The following APPL2 variants were observed in gnomAD, a reference collection of about 807,000 sequenced individuals.
The protein encoded by APPL2 is DCC-interacting protein 13-beta.
In APPL2, 84 loss-of-function variants were observed where a neutral mutation model predicts 92.7. The observed-to-expected ratio is 0.91, with a 90% CI of 0.76 to 1.09. APPL2 has a LOEUF of 1.09. Ranked by LOEUF, APPL2 falls within the 50% of genes least tolerant of loss-of-function variation. The pLI is 0.00. For synonymous variants in APPL2, 291 were observed against 291.0 expected, an observed-to-expected ratio of 1.00 and a Z score of 0.00; for missense variants, 736 against 824.5, an observed-to-expected ratio of 0.89 and a Z score of 1.31.
chr12:105,219,069 G>A (rs1234440641), intron 2 of APPL2, among the ~76,000 whole-genome samples: 2 of 152,228 alleles, frequency 1.3e-5, no homozygotes, highest in African/African-American at 4.8e-5. Flanking sequence ...GAGCCACTGG[G>A]TCTGACATGG....
intron 17 of APPL2, among the ~76,000 whole-genome samples, chr12:105,178,364 T>C (rs1405899644): frequency 1.3e-5 from 2 of 152,192 alleles, no homozygotes; most frequent in East Asian, 3.9e-4. Context: ...ATGGCAATTT[T>C]AGTGGTTAGT....
intron 9 of APPL2, among the ~76,000 whole-genome samples, chr12:105,203,126 G>A (rs1888369662): frequency 1.3e-5 from 2 of 152,058 alleles, no homozygotes; most frequent in Admixed American, 6.5e-5. Flanking sequence ...CTGTGCTCCG[G>A]ATGGACCAAG....
intron 11 of APPL2, among the ~76,000 whole-genome samples, chr12:105,195,911 T>C (rs1566066640): frequency 6.6e-6 from 1 of 151,814 alleles, no homozygotes; most frequent in Non-Finnish European, 1.5e-5. Flanking sequence ...AAAAATTAGC[T>C]GGGCGTGGTG....
At position 105,189,976 on chromosome 12, in the gene APPL2, T is replaced by A. The variant is rs1432823604; in HGVS notation, c.1406+15A>T. The A allele has an allele frequency of 1.2e-6, 2 of 1,612,782 alleles. No homozygotes were observed. The highest frequency in any genetic ancestry group is 1.7e-6 in the Non-Finnish European group (2 of 1,178,964). On this transcript the variant is annotated intron_variant, in intron 15 of 20. Coordinates refer to ENST00000258530, the MANE Select transcript of APPL2 (RefSeq NM_018171.5). Reference sequence around the variant, plus strand: ...ACTTTCAGTTCTCCCAGAGATAACCTCTCTCAGCCCATACCTGCTCCCTCT... The same window carrying A: ...ACTTTCAGTTCTCCCAGAGATAACCACTCTCAGCCCATACCTGCTCCCTCT...
chr12:105,235,169 G>A (rs1012224103), intron 1 of APPL2: 1 of 152,174 alleles, frequency 6.6e-6, no homozygotes, highest in Non-Finnish European at 1.5e-5. Flanking sequence ...GTGTAGGTAC[G>A]AAGCTGGAGA....
rs760357902 is a variant in APPL2, at chr12:105,197,938, G to A, written c.879C>T (p.Val293=). The change falls in exon 11 of 21, where the codon GTC becomes GTT. Residue 293 remains valine, a synonymous_variant. Transcript: ENST00000258530. ...AATAAAGCCTCTCCCAGGTGGTGGT[G>A]ACCAGCCCTGTTTTGCTGTGAGTTG... ...YLNLRNKTGL[V]TTTWERLYFF... 1 of 1,614,034 alleles carries A rather than the reference G, an allele frequency of 6.2e-7. No individual in the cohort carries two copies. The highest frequency in any genetic ancestry group is 2.2e-5 in the East Asian group (1 of 44,882).
At chr12:105,185,595 C>T (rs1213411704) in intron 17 of APPL2, among the ~76,000 whole-genome samples, 1 of 151,950 alleles carries the variant, frequency 6.6e-6, no homozygotes, top group South Asian at 2.1e-4. Flanking sequence ...TAACCAGTCC[C>T]AGTGAGATAA....
chr12:105,206,200 T>A (rs1160113489), intron 8 of APPL2, among the ~76,000 whole-genome samples: 1 of 152,248 alleles, frequency 6.6e-6, no homozygotes, highest in Non-Finnish European at 1.5e-5. Context: ...TTTTGTTTTT[T>A]AATATATGTG....
At chr12:105,211,443 CAAGT>C (rs1321136353) in intron 4 of APPL2, 126 bp from the exon 5 acceptor site, 9 of 647,138 alleles carry the variant, frequency 1.4e-5, no homozygotes, top group African/African-American at 1.3e-4. Context: ...ACTTCCTCAG[CAAGT>C]AAGTACCCTT....
At chr12:105,183,626 G>A (rs1225365355) in intron 17 of APPL2, among the ~76,000 whole-genome samples, 2 of 152,280 alleles carry the variant, frequency 1.3e-5, no homozygotes, top group East Asian at 1.9e-4. Context: ...AGAGAGATCC[G>A]CCGTTAGTCT....
At chr12:105,176,175 TCTCA>T in intron 19 of APPL2, 93 bp from the exon 20 acceptor site, 1 of 1,116,648 alleles carries the variant, frequency 9.0e-7, no homozygotes, top group Non-Finnish European at 1.3e-6. Context: ...AGGTCACTGT[TCTCA>T]CTGTTCCCAC....
intron 16 of APPL2, among the ~76,000 whole-genome samples, chr12:105,189,375 A>T (rs1208714485): frequency 6.6e-6 from 1 of 152,194 alleles, no homozygotes; most frequent in Non-Finnish European, 1.5e-5. Context: ...AAAAACCAAA[A>T]ATTTGAATTT....
intron 2 of APPL2, among the ~76,000 whole-genome samples, chr12:105,221,494 C>G (rs7966106): frequency 0.13 from 19,552 of 152,190 alleles, 1,554 homozygotes; most frequent in East Asian, 0.22. Flanking sequence ...AGCTCATGTT[C>G]TGACTATTAT....
intron 19 of APPL2, chr12:105,176,395 C>G: frequency 2.0e-6 from 1 of 496,394 alleles, no homozygotes; most frequent in South Asian, 3.9e-5. Flanking sequence ...TGTCCATATA[C>G]ACAGTGGCAA....
At chr12:105,222,071 G>A (rs3794232) in intron 2 of APPL2, among the ~76,000 whole-genome samples, 19,521 of 152,180 alleles carry the variant, frequency 0.13, 1,545 homozygotes, top group East Asian at 0.21. Context: ...CACAAAGCTG[G>A]CGGTCACGGG....
intron 17 of APPL2, among the ~76,000 whole-genome samples, chr12:105,182,370 A>G (rs765567505): frequency 1.3e-5 from 2 of 152,194 alleles, no homozygotes; most frequent in Non-Finnish European, 2.9e-5. Context: ...TCAATTTTAG[A>G]TCTTTCCCAC....
chr12:105,229,929 C>A, intron 1 of APPL2: 1 of 185,456 alleles, frequency 5.4e-6, no homozygotes, highest in Non-Finnish European at 1.0e-5. Flanking sequence ...CAGGCACCCA[C>A]CACCACACCT....
chr12:105,199,204 GC>G (rs1417349998), intron 10 of APPL2, 168 bp downstream of exon 10: 6 of 745,470 alleles, frequency 8.0e-6, no homozygotes, highest in Non-Finnish European at 1.3e-5. Context: ...TGGCGCCTGG[GC>G]CCCAGAGGTT....
chr12:105,222,339 G>A (rs1008302836), intron 2 of APPL2, among the ~76,000 whole-genome samples: 47 of 152,022 alleles, frequency 3.1e-4, no homozygotes, highest in Non-Finnish European at 5.7e-4. Flanking sequence ...ATAGATGAGG[G>A]GGACTGATCA....
Sources: gnomAD v4.1 joint callset for allele counts (sites outside exome capture counted in the v4.1 genomes callset) on GRCh38, gnomAD v4.1.1 for gene constraint, MANE v1.5 for transcripts, NCBI Gene and HGNC (gene_info 2026-07-23, HGNC 2026-07-21) for gene names.